Variants in CSMD1 observed in about 807,000 individuals in gnomAD.
CSMD1 encodes the protein CUB and sushi domain-containing protein 1.
CSMD1 carries 213 observed loss-of-function variants against 417.5 expected under a neutral mutation model. The ratio of observed to expected loss-of-function variants is 0.51; its 90% CI spans 0.46 to 0.57. The LOEUF (loss-of-function observed/expected upper bound fraction) is 0.57, where lower values mean the gene tolerates loss of function less well. CSMD1 is among the 20% of genes least tolerant of loss of function. The pLI, the probability that CSMD1 is intolerant of heterozygous loss-of-function variation, is 0.00. For missense variants in CSMD1, 6,923 were observed against 4,529.7 expected (o/e 1.53, Z -15.17); for synonymous variants, 2,862 against 1,736.8 (o/e 1.65, Z -16.11).
intron 3 of CSMD1, among the ~76,000 whole-genome samples, chr8:4,238,368 G>A (rs1283793309): frequency 2.0e-5 from 3 of 152,164 alleles, no homozygotes; most frequent in East Asian, 3.9e-4. Flanking sequence ...GACTGGGGCA[G>A]CCCAAAGCAC....
chr8:3,984,409 CT>C (rs1343384020), intron 5 of CSMD1, among the ~76,000 whole-genome samples: 5 of 152,040 alleles, frequency 3.3e-5, no homozygotes, highest in African/African-American at 1.2e-4. Context: ...CTGGTGAGTA[CT>C]TTTGGTTCTA....
chr8:3,852,398 T>G (rs561021330), intron 5 of CSMD1, among the ~76,000 whole-genome samples: 1 of 152,118 alleles, frequency 6.6e-6, no homozygotes, highest in Non-Finnish European at 1.5e-5. Flanking sequence ...GATGAGCATG[T>G]ACAGTGAACC....
intron 23 of CSMD1, among the ~76,000 whole-genome samples, chr8:3,334,087 A>T (rs1487958232): frequency 6.6e-6 from 1 of 152,220 alleles, no homozygotes; most frequent in Non-Finnish European, 1.5e-5. Flanking sequence ...AAGAATCTAT[A>T]TGAGACGCAC....
chr8:4,811,454 G>A (rs940492753), intron 1 of CSMD1, among the ~76,000 whole-genome samples: 1 of 152,070 alleles, frequency 6.6e-6, no homozygotes, highest in African/African-American at 2.4e-5. Flanking sequence ...TTTTGTTCTA[G>A]AAGAATACAA....
At chr8:4,983,269 G>C (rs1438431575) in intron 1 of CSMD1, among the ~76,000 whole-genome samples, 1 of 152,112 alleles carries the variant, frequency 6.6e-6, no homozygotes, top group Non-Finnish European at 1.5e-5. Flanking sequence ...ACCTTCCCTA[G>C]GTCAACTCTT....
chr8:3,995,736 T>G (rs763754983), intron 5 of CSMD1, among the ~76,000 whole-genome samples: 1 of 152,130 alleles, frequency 6.6e-6, no homozygotes, highest in African/African-American at 2.4e-5. Flanking sequence ...GCCAAGCAAA[T>G]AGGACAATAT....
At position 4,442,290 on chromosome 8, in the gene CSMD1, A is replaced by T. The variant is rs555373164; in HGVS notation, c.303-22225T>A. Among the ~76,000 whole-genome samples, 3 of 152,304 alleles carry T rather than the reference A, an allele frequency of 2.0e-5. No individual in the cohort carries two copies. In the East Asian group the frequency reaches 5.8e-4, roughly 29 times the overall value. On this transcript the variant is annotated intron_variant, in intron 2 of 69. Coordinates refer to ENST00000635120, the MANE Select transcript of CSMD1 (RefSeq NM_033225.6). Reference sequence around the variant, plus strand: ...TTTTTATAACAGTAAAAAAATTATTAAAAGTTAGAAAAGAAATGAACACAA... The same window carrying T: ...TTTTTATAACAGTAAAAAAATTATTTAAAGTTAGAAAAGAAATGAACACAA...
chr8:3,038,609 T>C (rs1241400392), intron 50 of CSMD1, among the ~76,000 whole-genome samples: 2 of 152,226 alleles, frequency 1.3e-5, no homozygotes, highest in East Asian at 1.9e-4. Context: ...TTCGAGGTCA[T>C]GGTTTTACCA....
At chr8:3,768,349 A>G (rs1019403526) in intron 5 of CSMD1, among the ~76,000 whole-genome samples, 2 of 152,232 alleles carry the variant, frequency 1.3e-5, no homozygotes, top group Admixed American at 1.3e-4. Flanking sequence ...CTCATCTTCA[A>G]TATGATTGGG....
intron 26 of CSMD1, among the ~76,000 whole-genome samples, chr8:3,248,323 T>C (rs559633556): frequency 1.5e-4 from 23 of 152,080 alleles, no homozygotes; most frequent in African/African-American, 5.1e-4. Flanking sequence ...TCTCAGATAG[T>C]GATGAACAGC....
intron 3 of CSMD1, among the ~76,000 whole-genome samples, chr8:4,208,472 G>A (rs532268442): frequency 9.2e-5 from 14 of 152,060 alleles, no homozygotes; most frequent in African/African-American, 3.4e-4. Context: ...GATAATTGAT[G>A]TTTCTATTCA....
chr8:4,458,260 C>T (rs75539606), intron 2 of CSMD1, among the ~76,000 whole-genome samples: 1 of 151,832 alleles, frequency 6.6e-6, no homozygotes, highest in East Asian at 1.9e-4. Flanking sequence ...GCAGAGTAAC[C>T]ACAAAAAATG....
intron 25 of CSMD1, among the ~76,000 whole-genome samples, chr8:3,303,475 C>A (rs1451054798): frequency 1.3e-5 from 2 of 152,118 alleles, no homozygotes; most frequent in African/African-American, 2.4e-5. Flanking sequence ...AACCTTGATA[C>A]CTTTTTGATA....
intron 6 of CSMD1, among the ~76,000 whole-genome samples, chr8:3,715,938 G>A (rs1215798379): frequency 6.6e-6 from 1 of 152,186 alleles, no homozygotes; most frequent in Admixed American, 6.5e-5. Flanking sequence ...ACTCCCTGTG[G>A]ACATGATGGA....
At chr8:3,426,771 T>C (rs142026409) in intron 12 of CSMD1, among the ~76,000 whole-genome samples, 1 of 152,308 alleles carries the variant, frequency 6.6e-6, no homozygotes, top group East Asian at 1.9e-4. Context: ...TGGTGCTAAG[T>C]TATATTTAAT....
Position 3,135,960 on chromosome 8 carries a change from C to T in CSMD1, c.6241+6505G>A, listed in dbSNP as rs148810815. Among the ~76,000 whole-genome samples, 115 of 152,278 alleles carry T rather than the reference C, an allele frequency of 7.6e-4. 1 individual carries two copies. The East Asian group carries it at 0.017, about 22-fold the overall frequency. On this transcript the variant is annotated intron_variant, in intron 41 of 69. Coordinates refer to ENST00000635120, the MANE Select transcript of CSMD1 (RefSeq NM_033225.6). ...AGGGGCAAAAAGAATTCAGGTGTCA[C>T]TGAGGCCCAGGCTCCAGACATGCCC...
At chr8:4,571,492 C>A (rs185464992) in intron 2 of CSMD1, among the ~76,000 whole-genome samples, 31 of 152,278 alleles carry the variant, frequency 2.0e-4, no homozygotes, top group Admixed American at 1.9e-3. Context: ...TTTGATTGCA[C>A]TGTGGTCTGA....
rs557884005 is a variant in CSMD1 at position 4,443,541 on chromosome 8, GAT to G, written c.303-23478_303-23477del. On this transcript the variant is annotated intron_variant, in intron 2 of 69. Coordinates refer to ENST00000635120, the MANE Select transcript of CSMD1 (RefSeq NM_033225.6). ...GAATACAGTATAGAATTTCACGAAT[GAT>G]ATGTCAGCCACGTGTGGCTCAAGAC... 1.1e-4 allele frequency among the ~76,000 whole-genome samples: 16 copies of G among 152,284 alleles called. 1 individual carries two copies. The East Asian group carries it at 2.3e-3, about 22-fold the overall frequency.
intron 10 of CSMD1, among the ~76,000 whole-genome samples, chr8:3,512,352 C>A (rs997088106): frequency 1.3e-5 from 2 of 152,186 alleles, no homozygotes; most frequent in Non-Finnish European, 2.9e-5. Context: ...TCCCCTAATA[C>A]AGACTTCAGC....
Sources: allele counts gnomAD v4.1 joint callset (sites outside exome capture counted in the v4.1 genomes callset), GRCh38; gene constraint gnomAD v4.1.1; transcripts MANE v1.5; gene names NCBI Gene and HGNC (gene_info 2026-07-23, HGNC 2026-07-21).